The following LPP variants were observed in gnomAD, a reference collection of about 807,000 sequenced individuals.
The protein encoded by LPP is LIM domain containing preferred translocation partner in lipoma.
In LPP, 38 loss-of-function variants were observed where a neutral mutation model predicts 60.4. The observed-to-expected ratio is 0.63, with a 90% CI of 0.49 to 0.83. The LOEUF (loss-of-function observed/expected upper bound fraction) is 0.83, where lower values mean the gene tolerates loss of function less well. Among genes scored for constraint, LPP ranks in the 40% least tolerant of loss-of-function variants. The pLI, the probability that LPP is intolerant of heterozygous loss-of-function variation, is 0.00. For missense variants in LPP, 902 were observed against 783.6 expected, an observed-to-expected ratio of 1.15 and a Z score of -1.80; for synonymous variants, 328 against 290.8, an observed-to-expected ratio of 1.13 and a Z score of -1.30.
chr3:188,571,430 A>C (rs78579540), intron 6 of LPP, among the ~76,000 whole-genome samples: 2,366 of 149,364 alleles, frequency 0.016, 27 homozygotes, highest in South Asian at 0.05. Context: ...TAGGATCACA[A>C]AAAAAAAAGA....
At chr3:188,655,752 A>G (rs991044876) in intron 7 of LPP, among the ~76,000 whole-genome samples, 2 of 152,180 alleles carry the variant, frequency 1.3e-5, no homozygotes, top group African/African-American at 4.8e-5. Context: ...GAATAGAGAG[A>G]ATTGGTCTAT....
intron 6 of LPP, among the ~76,000 whole-genome samples, chr3:188,545,952 G>C (rs1316850547): frequency 6.6e-6 from 1 of 152,126 alleles, no homozygotes; most frequent in African/African-American, 2.4e-5. Context: ...GTACAGTACA[G>C]CCTGCCATTA....
intron 8 of LPP, chr3:188,712,504 T>C (rs942583224): frequency 1.3e-5 from 2 of 152,280 alleles, no homozygotes; most frequent in African/African-American, 4.8e-5. Flanking sequence ...TACATAGCAG[T>C]GTGTTTGCAT....
At chr3:188,683,303 A>T (rs1468853567) in intron 7 of LPP, among the ~76,000 whole-genome samples, 1 of 152,096 alleles carries the variant, frequency 6.6e-6, no homozygotes, top group Admixed American at 6.5e-5. Flanking sequence ...CAGTGGTAGC[A>T]GGACTCATTT....
chr3:188,463,362 A>T lies in LPP; in HGVS notation c.194-21230A>T, dbSNP rs1413267515. ...GTGTCATCATGCCTGACTAATTTAA[A>T]AAAAAAAAAAAAGTTTAGAAATGGG... On this transcript the variant is annotated intron_variant, in intron 4 of 11. Transcript: ENST00000617246. Among the ~76,000 whole-genome samples the T allele has an allele frequency of 4.8e-5, 5 of 104,318 alleles. No individual in the cohort carries two copies. In the East Asian group the frequency reaches 1.1e-3, roughly 23 times the overall value. 68.4% of individuals were successfully genotyped at this position (104,318 alleles called of 152,430 possible). A position where few individuals can be genotyped will look rare whatever the true frequency, so the allele number is the denominator to read the frequency against.
At chr3:188,483,466 T>C (rs1271598862) in intron 4 of LPP, among the ~76,000 whole-genome samples, 4 of 152,148 alleles carry the variant, frequency 2.6e-5, no homozygotes, top group Non-Finnish European at 5.9e-5. Context: ...CCTCCATAAA[T>C]AGAAAAGATC....
chr3:188,515,646 T>C (rs1008315794), intron 5 of LPP, among the ~76,000 whole-genome samples: 1 of 152,214 alleles, frequency 6.6e-6, no homozygotes, highest in Non-Finnish European at 1.5e-5. Context: ...AATGCTCTAG[T>C]GTTTGCTCCC....
chr3:188,344,622 C>T (rs1023159163), intron 3 of LPP, among the ~76,000 whole-genome samples: 2 of 152,134 alleles, frequency 1.3e-5, no homozygotes, highest in African/African-American at 4.8e-5. Context: ...TGCCATGTTT[C>T]CAAAATCATA....
At chr3:188,399,904 G>A (rs1401205374) in intron 3 of LPP, among the ~76,000 whole-genome samples, 1 of 152,358 alleles carries the variant, frequency 6.6e-6, no homozygotes, top group East Asian at 1.9e-4. Flanking sequence ...GTGGGTGACA[G>A]TGACTTGACA....
intron 4 of LPP, among the ~76,000 whole-genome samples, chr3:188,432,975 TG>T (rs1412372472): frequency 3.9e-5 from 6 of 152,116 alleles, no homozygotes; most frequent in Admixed American, 2.0e-4. Flanking sequence ...AGGATAGGAA[TG>T]AACAAGGGAT....
chr3:188,592,369 TACACACAGTCAC>T (rs1838919443), intron 6 of LPP, among the ~76,000 whole-genome samples: 1 of 150,704 alleles, frequency 6.6e-6, no homozygotes, highest in Non-Finnish European at 1.5e-5. Context: ...CACACACACA[TACACACAGTCAC>T]ACACACACTT....
intron 4 of LPP, among the ~76,000 whole-genome samples, chr3:188,426,985 C>T (rs1789546189): frequency 6.6e-6 from 1 of 152,018 alleles, no homozygotes; most frequent in South Asian, 2.1e-4. Flanking sequence ...TGAATTTTTT[C>T]CTGTCTATGA....
chr3:188,631,730 A>C (rs904604381), intron 7 of LPP, among the ~76,000 whole-genome samples: 25 of 152,170 alleles, frequency 1.6e-4, no homozygotes, highest in African/African-American at 5.1e-4. Flanking sequence ...AATCTGTGTC[A>C]CAGAGCTAGG....
At chr3:188,520,462 A>G (rs1818563241) in intron 5 of LPP, among the ~76,000 whole-genome samples, 1 of 152,220 alleles carries the variant, frequency 6.6e-6, no homozygotes, top group Admixed American at 6.5e-5. Flanking sequence ...CCAGGAGAAC[A>G]GTATAGGGGA....
At chr3:188,872,015 A>G (rs1266676304) in intron 10 of LPP, among the ~76,000 whole-genome samples, 3 of 152,204 alleles carry the variant, frequency 2.0e-5, no homozygotes, top group Admixed American at 6.5e-5. Context: ...TTTAACTTTT[A>G]ATTTTTAAGC....
intron 7 of LPP, among the ~76,000 whole-genome samples, chr3:188,613,320 C>CTATATATATT (rs1284773302): frequency 1.6e-5 from 1 of 63,908 alleles, no homozygotes; most frequent in Admixed American, 2.0e-4. Flanking sequence ...CTATATATAT[C>CTATATATATT]GCTGTGAGTT....
chr3:188,867,636 G>A (rs1406104930), intron 10 of LPP, among the ~76,000 whole-genome samples: 1 of 152,080 alleles, frequency 6.6e-6, no homozygotes, highest in African/African-American at 2.4e-5. Context: ...GAACCACTGT[G>A]CCCAGCCAAC....
chr3:188,710,345 G>A (rs1866384643), intron 8 of LPP: 1 of 152,156 alleles, frequency 6.6e-6, no homozygotes, highest in Non-Finnish European at 1.5e-5. Flanking sequence ...CGCTGGCCAA[G>A]CAATACTGGC....
chr3:188,505,656 A>G (rs1042255758), intron 5 of LPP, among the ~76,000 whole-genome samples: 3 of 152,182 alleles, frequency 2.0e-5, no homozygotes, highest in African/African-American at 7.2e-5. Context: ...AGTCTTGCCA[A>G]CTAAATCGTG....
Sources: gnomAD v4.1 joint callset for allele counts (sites outside exome capture counted in the v4.1 genomes callset) on GRCh38, gnomAD v4.1.1 for gene constraint, MANE v1.5 for transcripts, NCBI Gene and HGNC (gene_info 2026-07-23, HGNC 2026-07-21) for gene names.